Variants in NRXN3 observed in about 807,000 individuals in gnomAD.
NRXN3 encodes the protein neurexin 3, also known as neurexin III.
A neutral mutation model predicts 137.6 loss-of-function variants in NRXN3; 32 were observed. The observed-to-expected ratio is 0.23, with a 90% CI of 0.18 to 0.31. NRXN3 has a LOEUF of 0.31. NRXN3 is among the 10% of genes least tolerant of loss of function. NRXN3 has a pLI of 1.00. For missense variants in NRXN3, 1,574 were observed against 2,062.5 expected (o/e 0.76, Z 4.59); for synonymous variants, 798 against 784.5 (o/e 1.02, Z -0.29).
At chr14:78,966,872 A>G (rs1437805499) in intron 12 of NRXN3, among the ~76,000 whole-genome samples, 1 of 152,208 alleles carries the variant, frequency 6.6e-6, no homozygotes, top group Non-Finnish European at 1.5e-5. Context: ...GTCAAAACAA[A>G]AAACCAAAAC....
chr14:79,844,416 A>G (rs8011874), intron 20 of NRXN3, among the ~76,000 whole-genome samples: 19,683 of 151,280 alleles, frequency 0.13, 1,381 homozygotes, highest in Middle Eastern at 0.2. Flanking sequence ...ATCACTATCT[A>G]TGGCAGCTAT....
At chr14:78,663,003 C>T (rs561603025) in intron 6 of NRXN3, among the ~76,000 whole-genome samples, 73 of 152,324 alleles carry the variant, frequency 4.8e-4, no homozygotes, top group African/African-American at 1.8e-3. Context: ...CTATGTACTT[C>T]AGACTTATTC....
chr14:79,119,175 T>C (rs1290033815), intron 15 of NRXN3, among the ~76,000 whole-genome samples: 1 of 152,182 alleles, frequency 6.6e-6, no homozygotes, highest in Non-Finnish European at 1.5e-5. Flanking sequence ...ATACATACCT[T>C]TTATACTTAA....
At chr14:78,546,280 T>C (rs1486531224) in intron 4 of NRXN3, among the ~76,000 whole-genome samples, 1 of 152,226 alleles carries the variant, frequency 6.6e-6, no homozygotes, top group Non-Finnish European at 1.5e-5. Context: ...TGATATTTCA[T>C]TGTTATTTTA....
intron 15 of NRXN3, among the ~76,000 whole-genome samples, chr14:79,023,029 C>A (rs1043527588): frequency 2.6e-5 from 4 of 151,580 alleles, no homozygotes; most frequent in African/African-American, 9.7e-5. Flanking sequence ...GGCACCTCTC[C>A]TGCTAAGCAC....
intron 15 of NRXN3, among the ~76,000 whole-genome samples, chr14:79,385,288 C>T (rs1260071515): frequency 2.0e-5 from 3 of 147,454 alleles, no homozygotes; most frequent in Non-Finnish European, 3.0e-5. Flanking sequence ...CAATTCCCAC[C>T]TATGAGTGAG....
At chr14:79,535,233 AAATT>A (rs1448080325) in intron 16 of NRXN3, among the ~76,000 whole-genome samples, 6 of 152,306 alleles carry the variant, frequency 3.9e-5, no homozygotes, top group South Asian at 4.1e-4. Context: ...TTGTGTAAAC[AAATT>A]AATTAATTGT....
chr14:78,786,831 A>T (rs1595857747), intron 8 of NRXN3, among the ~76,000 whole-genome samples: 2 of 152,190 alleles, frequency 1.3e-5, no homozygotes, highest in East Asian at 3.8e-4. Flanking sequence ...ATTCCAAATA[A>T]GGACAGTAAA....
intron 15 of NRXN3, among the ~76,000 whole-genome samples, chr14:79,417,984 A>G (rs925526204): frequency 3.3e-5 from 5 of 152,108 alleles, no homozygotes; most frequent in African/African-American, 4.8e-5. Context: ...AGAAGAAGAA[A>G]AAAGATAAAA....
intron 19 of NRXN3, among the ~76,000 whole-genome samples, chr14:79,800,804 C>T (rs1408327660): frequency 6.6e-6 from 1 of 152,090 alleles, no homozygotes; most frequent in Admixed American, 6.6e-5. Flanking sequence ...AAAAGAAAGC[C>T]CTGGGTTTTC....
intron 4 of NRXN3, among the ~76,000 whole-genome samples, chr14:78,467,723 T>C (rs1407040533): frequency 6.6e-6 from 1 of 152,230 alleles, no homozygotes; most frequent in Non-Finnish European, 1.5e-5. Context: ...AGTGCAAGCA[T>C]TGAAACTGCA....
At chr14:79,368,125 G>C (rs778427179) in intron 15 of NRXN3, among the ~76,000 whole-genome samples, 16 of 152,162 alleles carry the variant, frequency 1.1e-4, no homozygotes, top group Admixed American at 3.9e-4. Flanking sequence ...CATATTAGGA[G>C]CAGGATTTCT....
At chr14:79,445,128 T>C (rs1251870660) in intron 15 of NRXN3, among the ~76,000 whole-genome samples, 2 of 151,790 alleles carry the variant, frequency 1.3e-5, no homozygotes, top group Admixed American at 1.3e-4. Flanking sequence ...GATCACGAGG[T>C]CAAGAGATCA....
At chr14:79,406,290 C>G (rs1599816812) in intron 15 of NRXN3, among the ~76,000 whole-genome samples, 2 of 149,818 alleles carry the variant, frequency 1.3e-5, no homozygotes, top group African/African-American at 4.9e-5. Context: ...CCTCTTCTCC[C>G]CTCCTCTCCT....
In NRXN3 at chr14:79,249,572, C is replaced by G. The variant is rs144989739; in HGVS notation, c.3263-217649C>G. Among the ~76,000 whole-genome samples the G allele has an allele frequency of 3.1e-3, 479 of 152,300 alleles. 2 individuals are homozygous for G. Among genetic ancestry groups the G allele is most frequent in the African/African-American group, 0.011 (450 of 41,574 alleles). ...TGGTGTTGCAACCTTGTGAGAGAGG[C>G]AACTCGGTTATCACTTTGGTCCTAA... On this transcript the variant is annotated intron_variant, in intron 15 of 20. Coordinates refer to ENST00000335750, the MANE Select transcript of NRXN3 (RefSeq NM_001330195.2).
At chr14:78,843,783 C>T (rs994319389) in intron 10 of NRXN3, among the ~76,000 whole-genome samples, 4 of 152,004 alleles carry the variant, frequency 2.6e-5, no homozygotes, top group African/African-American at 9.7e-5. Context: ...ATATGAAGAA[C>T]AGTAATTCAT....
At chr14:78,207,724 T>G (rs2062348487) in intron 1 of NRXN3, among the ~76,000 whole-genome samples, 1 of 152,192 alleles carries the variant, frequency 6.6e-6, no homozygotes, top group Admixed American at 6.5e-5. Context: ...ATCACGCCCT[T>G]TTGGTTCTTC....
At chr14:79,637,606 AATCAGCTGACTT>A (rs995599572) in intron 16 of NRXN3, among the ~76,000 whole-genome samples, 22 of 152,240 alleles carry the variant, frequency 1.4e-4, no homozygotes, top group African/African-American at 5.1e-4. Context: ...TCATCAAGAA[AATCAGCTGACTT>A]ATTAGTTCTT....
At chr14:78,332,939 A>G (rs931338588) in intron 4 of NRXN3, among the ~76,000 whole-genome samples, 1 of 151,754 alleles carries the variant, frequency 6.6e-6, no homozygotes, top group African/African-American at 2.4e-5. Context: ...AAAATGGAGG[A>G]CTCTCCAGGA....
Sources: gnomAD v4.1 joint callset for allele counts (sites outside exome capture counted in the v4.1 genomes callset) on GRCh38, gnomAD v4.1.1 for gene constraint, MANE v1.5 for transcripts, NCBI Gene and HGNC (gene_info 2026-07-23, HGNC 2026-07-21) for gene names.